The following ZC3H12B variants were observed in gnomAD, a reference collection of about 807,000 sequenced individuals.
ZC3H12B encodes the protein probable ribonuclease ZC3H12B.
In ZC3H12B, 7 loss-of-function variants were observed where a neutral mutation model predicts 43.9. The ratio of observed to expected loss-of-function variants is 0.16; its 90% CI spans 0.09 to 0.30. The LOEUF is 0.30. ZC3H12B is among the 10% of genes least tolerant of loss of function. The pLI is 1.00. For missense variants in ZC3H12B, 475 were observed against 670.2 expected, an observed-to-expected ratio of 0.71 and a Z score of 3.22; for synonymous variants, 222 against 241.7, an observed-to-expected ratio of 0.92 and a Z score of 0.76.
upstream of ZC3H12B, among the ~76,000 whole-genome samples, chrX:65,487,355 A>G (rs1345354040): frequency 8.9e-6 from 1 of 112,102 alleles, no homozygotes; most frequent in Non-Finnish European, 1.9e-5. Flanking sequence ...AGCCTGGCCA[A>G]CATGGTGAAA....
rs200601330 is a variant in ZC3H12B, at chrX:65,466,409, ATAT to A, written n.408-22225_408-22223del. On this transcript the variant is annotated intron_variant and non_coding_transcript_variant, in intron 3 of 5. Transcript: ENST00000617377. The stretch of plus-strand genomic sequence containing the variant: ...ATCTCTCACATTATCTATATATATC[ATAT>A]TATTATTATTAGATAGATAAATAGA... Among the ~76,000 whole-genome samples the A allele has an allele frequency of 8.2e-3, 899 of 110,236 alleles. 11 individuals carry two copies. Among genetic ancestry groups the A allele is most frequent in the African/African-American group, 0.028 (858 of 30,493 alleles).
chrX:65,371,802 G>C (rs1037672887), intron 2 of ZC3H12B, among the ~76,000 whole-genome samples: 1 of 111,688 alleles, frequency 9.0e-6, no homozygotes, highest in Admixed American at 9.5e-5. Context: ...ACAACAGAAA[G>C]AGAAAGAATA....
the ZC3H12B span, chrX:65,271,228 T>C: frequency 1.8e-5 from 2 of 112,154 alleles, no homozygotes; most frequent in Non-Finnish European, 3.8e-5. Context: ...ATTCTTATAA[T>C]AAGCTTCTTC....
the ZC3H12B span, among the ~76,000 whole-genome samples, chrX:65,106,234 A>G: frequency 8.9e-6 from 1 of 111,918 alleles, no homozygotes; most frequent in Non-Finnish European, 1.9e-5. Flanking sequence ...GGCATCCACT[A>G]ATCATTAATA....
the ZC3H12B span, among the ~76,000 whole-genome samples, chrX:65,242,673 C>T: frequency 1.8e-5 from 2 of 111,758 alleles, no homozygotes; most frequent in Non-Finnish European, 3.8e-5. Context: ...ATATCCAGAC[C>T]AATCCTGAGC....
At chrX:65,325,466 A>G in the ZC3H12B span, among the ~76,000 whole-genome samples, 1 of 111,822 alleles carries the variant, frequency 8.9e-6, no homozygotes, top group Non-Finnish European at 1.9e-5. Flanking sequence ...GAACTATCTG[A>G]AAAATAAATC....
the ZC3H12B span, among the ~76,000 whole-genome samples, chrX:65,349,990 C>T: frequency 8.9e-6 from 1 of 111,864 alleles, no homozygotes; most frequent in African/African-American, 3.3e-5. Context: ...AGAGGGAATC[C>T]TCCCTAACTC....
the ZC3H12B span, among the ~76,000 whole-genome samples, chrX:65,237,357 A>ACT: frequency 9.1e-6 from 1 of 110,205 alleles, no homozygotes; most frequent in East Asian, 2.9e-4. Flanking sequence ...TTGTGGTTTC[A>ACT]CTCTCTGCTT....
the ZC3H12B span, among the ~76,000 whole-genome samples, chrX:65,358,354 C>A: frequency 8.9e-6 from 1 of 111,902 alleles, no homozygotes; most frequent in Non-Finnish European, 1.9e-5. Flanking sequence ...CTACAGAACT[C>A]TCCACCCAAA....
At chrX:65,291,346 A>G in the ZC3H12B span, among the ~76,000 whole-genome samples, 1 of 112,297 alleles carries the variant, frequency 8.9e-6, no homozygotes, top group East Asian at 2.8e-4. Context: ...TATTTTCACT[A>G]TCATGTGAAT....
the ZC3H12B span, among the ~76,000 whole-genome samples, chrX:65,233,593 A>T: frequency 9.0e-6 from 1 of 110,758 alleles, no homozygotes; most frequent in South Asian, 3.8e-4. Context: ...TGGGATATGG[A>T]AAAAGCAGTA....
the ZC3H12B span, among the ~76,000 whole-genome samples, chrX:65,345,856 T>A: frequency 1.8e-5 from 2 of 111,943 alleles, no homozygotes; most frequent in African/African-American, 6.5e-5. Flanking sequence ...AAATCAAGAA[T>A]GTGTTTCTAT....
chrX:65,451,576 G>A (rs991243716), intron 3 of ZC3H12B, among the ~76,000 whole-genome samples: 1 of 111,550 alleles, frequency 9.0e-6, no homozygotes, highest in Non-Finnish European at 1.9e-5. Flanking sequence ...TCAGCCTTAA[G>A]TAATCCTTCT....
chrX:65,239,225 C>G, the ZC3H12B span, among the ~76,000 whole-genome samples: 1 of 111,184 alleles, frequency 9.0e-6, no homozygotes, highest in Non-Finnish European at 1.9e-5. Flanking sequence ...TTGTAGGTCT[C>G]TAAAAACTTG....
chrX:65,336,683 G>T, the ZC3H12B span, among the ~76,000 whole-genome samples: 1 of 112,148 alleles, frequency 8.9e-6, no homozygotes, highest in East Asian at 2.8e-4. Context: ...CATTGTCTGT[G>T]ACAGAGTGGG....
chrX:65,267,798 G>A, the ZC3H12B span, among the ~76,000 whole-genome samples: 1 of 111,060 alleles, frequency 9.0e-6, no homozygotes, highest in Admixed American at 9.6e-5. Context: ...GAAGTTTATA[G>A]CAATAAATGC....
At chrX:65,313,572 G>A in the ZC3H12B span, among the ~76,000 whole-genome samples, 1 of 112,134 alleles carries the variant, frequency 8.9e-6, no homozygotes, top group Non-Finnish European at 1.9e-5. Flanking sequence ...CTTACAAAGG[G>A]CAGGCCCAAA....
At chrX:65,311,197 G>T in the ZC3H12B span, among the ~76,000 whole-genome samples, 1 of 111,881 alleles carries the variant, frequency 8.9e-6, no homozygotes, top group South Asian at 3.7e-4. Flanking sequence ...ACTACCATTA[G>T]AGTGAACAGG....
the ZC3H12B span, among the ~76,000 whole-genome samples, chrX:65,129,945 T>A: frequency 9.0e-6 from 1 of 111,307 alleles, no homozygotes; most frequent in Non-Finnish European, 1.9e-5. Context: ...GGTCTGGATA[T>A]GGTTTTGTAT....
Sources: gnomAD v4.1 joint callset for allele counts (sites outside exome capture counted in the v4.1 genomes callset) on GRCh38, gnomAD v4.1.1 for gene constraint, MANE v1.5 for transcripts, NCBI Gene and HGNC (gene_info 2026-07-23, HGNC 2026-07-21) for gene names.